Variants in POLE observed in about 807,000 individuals in gnomAD.
POLE encodes the protein DNA polymerase epsilon, catalytic subunit.
In POLE, 188 loss-of-function variants were observed where a neutral mutation model predicts 279.2. The observed-to-expected ratio is 0.67, with a 90% CI of 0.60 to 0.76. POLE has a LOEUF of 0.76. Ranked by LOEUF, POLE falls within the 30% of genes least tolerant of loss-of-function variation. The pLI, the probability that POLE is intolerant of heterozygous loss-of-function variation, is 0.00. For missense variants in POLE, 2,703 were observed against 3,016.7 expected (o/e 0.90, Z 2.44); for synonymous variants, 1,214 against 1,172.5 (o/e 1.04, Z -0.72).
rs1336989336 is a variant in POLE at position 132,681,184 on chromosome 12, A to G, written c.158T>C (p.Leu53Pro). ...KMDLRFGFERLKEPGEKTGWL... is the reference protein window; with the variant it reads ...KMDLRFGFERPKEPGEKTGWL... Reference sequence around the variant, plus strand: ...GCCTGTCTTCTCACCAGGCTCCTTCAGCCGCTCAAAACCAAACCGCAAATC... The same window carrying G: ...GCCTGTCTTCTCACCAGGCTCCTTCGGCCGCTCAAAACCAAACCGCAAATC... The change falls in exon 2 of 49, where the codon CTG (leucine) becomes CCG (proline). Residue 53 changes from leucine (L) to proline (P), a missense_variant. Physicochemically the swap from Leu to Pro is moderately conservative, Grantham distance 98. Transcript: ENST00000320574. 6.2e-7 allele frequency: 1 copy of G among 1,614,160 alleles called. No individual in the cohort carries two copies. The highest frequency in any genetic ancestry group is 8.5e-7 in the Non-Finnish European group (1 of 1,180,018).
chr12:132,655,992 G>A (rs930244877), intron 29 of POLE, among the ~76,000 whole-genome samples: 1 of 151,548 alleles, frequency 6.6e-6, no homozygotes, highest in African/African-American at 2.4e-5. Context: ...GTGAAACCCC[G>A]TCTCTACTAA....
intron 41 of POLE, 50 bp downstream of exon 41, chr12:132,637,964 C>T (rs374802999): frequency 8.8e-6 from 14 of 1,599,604 alleles, no homozygotes; most frequent in African/African-American, 5.4e-5. Context: ...GTCATTTTAG[C>T]ATCCCTCTCA....
Position 132,658,881 on chromosome 12 carries a change from C to CAAAAAAAAAAAAAAAAAAAAAAAAAAAA in POLE, c.3275+413_3275+414insTTTTTTTTTTTTTTTTTTTTTTTTTTTT, listed in dbSNP as rs1167117347. ...ACTGGTCCTATTTGTATATAACCAC[C>CAAAAAAAAAAAAAAAAAAAAAAAAAAAA]AAAAAAAAAAAAAAAAAAAAAAAAA... On this transcript the variant is annotated intron_variant, in intron 26 of 48. Transcript: ENST00000320574. Among the ~76,000 whole-genome samples, 33 of 33,832 alleles carry CAAAAAAAAAAAAAAAAAAAAAAAAAAAA rather than the reference C, an allele frequency of 9.8e-4. 9 individuals carry two copies. The highest frequency in any genetic ancestry group is 1.7e-3 in the Non-Finnish European group (30 of 17,924). 22.2% of individuals were successfully genotyped at this position (33,832 alleles called of 152,430 possible).
intron 43 of POLE, chr12:132,633,742 C>T (rs1164149306): frequency 6.3e-6 from 1 of 158,502 alleles, no homozygotes; most frequent in Non-Finnish European, 1.4e-5. Flanking sequence ...CAAACCAAGG[C>T]ATAGGAACTC....
intron 23 of POLE, among the ~76,000 whole-genome samples, chr12:132,662,165 C>G (rs1423202138): frequency 6.6e-6 from 1 of 152,182 alleles, no homozygotes; most frequent in Non-Finnish European, 1.5e-5. Flanking sequence ...AAGAGGGGTG[C>G]AGACTGGGCC....
Position 132,649,324 on chromosome 12 carries a change from A to C in POLE, c.3987T>G (p.Leu1329=). The change falls in exon 31 of 49, where the codon CTT becomes CTG. Residue 1329 remains leucine, a synonymous_variant. Transcript: ENST00000320574. ...LRRTARSILD[L]PWQIVQISET... ...TCTATACCTGCACAATCTGCCACGG[A>C]AGGTCCAGGATGCTGCGGGCAGTTC... is the stretch of plus-strand genomic sequence containing the variant. The C allele has an allele frequency of 1.2e-6, 2 of 1,613,636 alleles. No individual in the cohort carries two copies. The highest frequency in any genetic ancestry group is 1.7e-6 in the Non-Finnish European group (2 of 1,180,010).
chr12:132,660,907 G>T, intron 25 of POLE, 62 bp downstream of exon 25: 2 of 1,391,322 alleles, frequency 1.4e-6, no homozygotes, highest in Non-Finnish European at 1.9e-6. Context: ...GAAGCACGGG[G>T]TCCCCTTCTT....
rs5744996 is a variant in POLE at position 132,635,365 on chromosome 12, C to G, written c.5811+527G>C. 1.8e-3 allele frequency among the ~76,000 whole-genome samples: 269 copies of G among 152,352 alleles called. 2 individuals carry two copies. Among genetic ancestry groups the G allele is most frequent in the African/African-American group, 6.3e-3 (261 of 41,588 alleles). ...ACCTCGCTGCCCAGCATCTCCCTGA[C>G]ACAGGCACTAACCGGCTTTACCTGC... On this transcript the variant is annotated intron_variant, in intron 42 of 48. Transcript: ENST00000320574.
At chr12:132,648,823 C>G in intron 32 of POLE, 106 bp downstream of exon 32, 3 of 1,213,744 alleles carry the variant, frequency 2.5e-6, no homozygotes, top group Non-Finnish European at 3.5e-6. Context: ...CCTAGAACAT[C>G]CCCATAAGGT....
In POLE at chr12:132,669,923, C is replaced by T. The variant is rs547813368; in HGVS notation, c.1795-984G>A. On this transcript the variant is annotated intron_variant, in intron 16 of 48. Coordinates refer to ENST00000320574, the MANE Select transcript of POLE (RefSeq NM_006231.4). ...GGAATCGCTAACAGGACAATGTCAT[C>T]TACAGAGCTCCCTTCCTCACTCACC... Among the ~76,000 whole-genome samples the T allele has an allele frequency of 2.0e-5, 3 of 152,278 alleles. No individual in the cohort carries two copies. In the East Asian group the frequency reaches 5.8e-4, roughly 29 times the overall value.
At chr12:132,629,146 T>C (rs1032817867) in intron 45 of POLE, among the ~76,000 whole-genome samples, 3 of 152,200 alleles carry the variant, frequency 2.0e-5, no homozygotes, top group Non-Finnish European at 2.9e-5. Context: ...GCAACATTCA[T>C]CTCCTTGTAC....
chr12:132,686,331 C>G (rs1212159810), intron 1 of POLE, among the ~76,000 whole-genome samples: 1 of 152,084 alleles, frequency 6.6e-6, no homozygotes, highest in Admixed American at 6.5e-5. Context: ...GATCCCGGCT[C>G]ACAGCAGCCT....
chr12:132,681,095 G>A (rs1016985431), intron 2 of POLE, 43 bp downstream of exon 2: 24 of 1,610,112 alleles, frequency 1.5e-5, no homozygotes, highest in Admixed American at 3.3e-5. Context: ...GACCAGAAGG[G>A]TTGCAGCCAT....
intron 15 of POLE, 115 bp from the exon 16 acceptor site, chr12:132,672,437 A>T: frequency 9.5e-7 from 1 of 1,047,208 alleles, no homozygotes; most frequent in Non-Finnish European, 1.5e-6. Context: ...CTCCGGAAGG[A>T]CTCATGTGCA....
chr12:132,651,788 A>G (rs757872587), intron 29 of POLE, among the ~76,000 whole-genome samples: 1 of 152,226 alleles, frequency 6.6e-6, no homozygotes, highest in Non-Finnish European at 1.5e-5. Context: ...GAAGAGCCCC[A>G]TGGAGCAGGG....
At position 132,668,271 on chromosome 12, in the gene POLE, G is replaced by C. The variant is rs2135973666; in HGVS notation, c.2173+85C>G. 1 of 1,466,944 alleles carries C rather than the reference G, an allele frequency of 6.8e-7. No individual in the cohort carries two copies. The highest frequency in any genetic ancestry group is 9.0e-7 in the Non-Finnish European group (1 of 1,107,356). The allele number at this position is 1,466,944 out of a possible 1,614,324, so 90.9% of individuals were successfully genotyped here. On this transcript the variant is annotated intron_variant, in intron 19 of 48. Coordinates refer to ENST00000320574, the MANE Select transcript of POLE (RefSeq NM_006231.4). This position sits in a 1 kb window ranked among gnomAD's most constrained non-coding sequence, Gnocchi z 4.0. Reference sequence around the variant, plus strand: ...TGACAACACCTCTGGGGCCCCAGCTGGGATGGACCAACGCAGCCCAGTAAG... The same window carrying C: ...TGACAACACCTCTGGGGCCCCAGCTCGGATGGACCAACGCAGCCCAGTAAG...
rs761600715 is a variant in POLE at position 132,675,479 on chromosome 12, C to G, written c.1145G>C (p.Ser382Thr). Residue 382 changes from serine to threonine, a missense_variant, in exon 12 of 49, where the codon AGC becomes ACC. By Grantham distance (58) the Ser-to-Thr change is moderately conservative. Transcript: ENST00000320574. The surrounding 1 kb of genome is among the most constrained non-coding windows in gnomAD (Gnocchi z 4.3). ...CTGGAAGCCTATCTCCTGCTGCATG[C>G]TCAGACCGTGGACTGCTGCCCGGGC... ...VEARAAVHGL[S>T]MQQEIGFQKD... The G allele has an allele frequency of 1.2e-6, 2 of 1,614,184 alleles. No homozygotes were observed. The highest frequency in any genetic ancestry group is 1.7e-6 in the Non-Finnish European group (2 of 1,180,024).
chr12:132,673,024 C>T lies in POLE; in HGVS notation c.1473+140G>A, dbSNP rs557661260. On this transcript the variant is annotated intron_variant, in intron 14 of 48. Coordinates refer to ENST00000320574, the MANE Select transcript of POLE (RefSeq NM_006231.4). ...GGCCAGAGAATTCCCAAAGGACATC[C>T]CTGACGTCACACACCAGAATTCTAC... is the stretch of plus-strand genomic sequence containing the variant. The T allele has an allele frequency of 3.7e-4, 284 of 757,910 alleles. 4 individuals are homozygous for T. The South Asian group carries it at 4.5e-3, about 12-fold the overall frequency. The allele number at this position is 757,910 out of a possible 1,614,324, so 46.9% of individuals were successfully genotyped here.
chr12:132,643,350 C>A lies in POLE; in HGVS notation c.4445-20G>T, dbSNP rs200254130. On this transcript the variant is annotated intron_variant, in intron 34 of 48. Coordinates refer to ENST00000320574, the MANE Select transcript of POLE (RefSeq NM_006231.4). ...TACTCCCTGGAGAAGGAAACAAGAC[C>A]GTCACCCCAGATGTGTGGGAGGCAG... 3 of 1,614,126 alleles carry A rather than the reference C, an allele frequency of 1.9e-6. No individual in the cohort carries two copies. The Admixed American group carries it at 5.0e-5, about 27-fold the overall frequency.
Sources: gnomAD v4.1 joint callset for allele counts (sites outside exome capture counted in the v4.1 genomes callset) on GRCh38, gnomAD v4.1.1 for gene constraint, Gnocchi (gnomAD v3.1) non-coding constraint, MANE v1.5 for transcripts, NCBI Gene and HGNC (gene_info 2026-07-23, HGNC 2026-07-21) for gene names.